TPRG1: variants seen among roughly 807,000 people sequenced by gnomAD.
TPRG1 encodes the protein tumor protein p63 regulated 1, also known as tumor protein p63-regulated gene 1 protein.
TPRG1 carries 29 observed loss-of-function variants against 29.3 expected under a neutral mutation model. That is an observed-to-expected ratio of 0.99 (90% CI 0.74 to 1.35). The LOEUF (loss-of-function observed/expected upper bound fraction) is 1.35, where lower values mean the gene tolerates loss of function less well. Among genes scored for constraint, TPRG1 ranks in the 40% most tolerant of loss-of-function variants. TPRG1 has a pLI of 0.00. For missense variants in TPRG1, 327 were observed against 335.0 expected (o/e 0.98, Z 0.19); for synonymous variants, 130 against 116.8 (o/e 1.11, Z -0.73).
chr3:189,261,159 G>C (rs962062341), intron 4 of TPRG1, among the ~76,000 whole-genome samples: 1 of 152,156 alleles, frequency 6.6e-6, no homozygotes, highest in African/African-American at 2.4e-5. Context: ...GCCCCCAAGG[G>C]TTGCATAACT....
chr3:189,097,788 T>C (rs956712929), upstream of TPRG1, among the ~76,000 whole-genome samples: 2 of 152,196 alleles, frequency 1.3e-5, no homozygotes, highest in African/African-American at 4.8e-5. Flanking sequence ...TGGCAAATAA[T>C]AGCTTCATAT....
At chr3:189,096,211 C>T (rs1718668981), upstream of TPRG1, among the ~76,000 whole-genome samples, 1 of 152,224 alleles carries the variant, frequency 6.6e-6, no homozygotes, top group African/African-American at 2.4e-5. Flanking sequence ...CCTTCCTTCT[C>T]CTGTCCTGGG....
At chr3:189,309,672 C>A (rs1722172666) in intron 4 of TPRG1, among the ~76,000 whole-genome samples, 1 of 152,150 alleles carries the variant, frequency 6.6e-6, no homozygotes, top group Admixed American at 6.6e-5. Flanking sequence ...TTATCTCAAG[C>A]TTACTTTCTC....
rs972336988 is a variant in TPRG1 at position 189,093,326 on chromosome 3, C to G, written c.-462-33731C>G. Among the ~76,000 whole-genome samples the G allele has an allele frequency of 4.6e-5, 7 of 152,136 alleles. No homozygotes were observed. In the South Asian group the frequency reaches 6.2e-4, roughly 14 times the overall value. ...TTAAATTCTTTCACATCTCTGCAAA[C>G]AGGAAGATTAATTGAGTAGCCTTCA... On this transcript the variant is annotated intron_variant, in intron 4 of 10. Coordinates refer to the TPRG1 transcript ENST00000433971.
At chr3:189,073,823 G>C (rs1375307354) in intron 4 of TPRG1, among the ~76,000 whole-genome samples, 1 of 152,002 alleles carries the variant, frequency 6.6e-6, no homozygotes, top group African/African-American at 2.4e-5. Flanking sequence ...GAAGTAATAT[G>C]TATGCTTCTA....
chr3:189,022,831 C>T (rs1713419468), intron 3 of TPRG1, among the ~76,000 whole-genome samples: 2 of 152,378 alleles, frequency 1.3e-5, no homozygotes, highest in Admixed American at 1.3e-4. Flanking sequence ...CCCAGCCTCG[C>T]TGCCGCCTTG....
chr3:189,325,005 G>A lies in TPRG1; in HGVS notation c.*4185G>A, dbSNP rs749976488. ...GTCTGCACCTCCCACAACGTGCTCC[G>A]AAAGCAGTTAGGGGACTAGGCCTCT... On this transcript the variant is annotated 3_prime_UTR_variant, in exon 6 of 6. Transcript: ENST00000345063. The A allele has an allele frequency of 9.9e-5, 15 of 152,080 alleles. No individual in the cohort carries two copies. The highest frequency in any genetic ancestry group is 2.1e-4 in the Non-Finnish European group (14 of 68,024). 9.4% of individuals were successfully genotyped at this position (152,080 alleles called of 1,614,324 possible). A position where few individuals can be genotyped will look rare whatever the true frequency, so the allele number is the denominator to read the frequency against.
chr3:189,043,116 T>A (rs1714734778), intron 4 of TPRG1, among the ~76,000 whole-genome samples: 1 of 152,166 alleles, frequency 6.6e-6, no homozygotes, highest in African/African-American at 2.4e-5. Flanking sequence ...AGGTCACAAT[T>A]AAATGGGCCC....
chr3:189,056,524 T>G (rs1356783747), intron 4 of TPRG1, among the ~76,000 whole-genome samples: 3 of 152,130 alleles, frequency 2.0e-5, no homozygotes, highest in Non-Finnish European at 4.4e-5. Flanking sequence ...GAACTTCAAG[T>G]CTCCCTGCCA....
intron 4 of TPRG1, among the ~76,000 whole-genome samples, chr3:189,281,174 T>C (rs138446112): frequency 1.2e-3 from 188 of 152,270 alleles, no homozygotes; most frequent in African/African-American, 3.9e-3. Flanking sequence ...AGCTAACGAA[T>C]AGAGAGGTTA....
chr3:189,002,406 A>G (rs1428395698), intron 2 of TPRG1, among the ~76,000 whole-genome samples: 1 of 152,118 alleles, frequency 6.6e-6, no homozygotes, highest in African/African-American at 2.4e-5. Context: ...CTAAAGTCTA[A>G]ATTGTGAGGC....
At chr3:189,133,518 T>G (rs1220100348) in intron 3 of TPRG1, among the ~76,000 whole-genome samples, 1 of 152,162 alleles carries the variant, frequency 6.6e-6, no homozygotes, top group African/African-American at 2.4e-5. Context: ...CTTGTGATAG[T>G]TCTCACAAGA....
chr3:189,063,210 G>A (rs1399073442), intron 4 of TPRG1, among the ~76,000 whole-genome samples: 1 of 152,066 alleles, frequency 6.6e-6, no homozygotes, highest in Non-Finnish European at 1.5e-5. Flanking sequence ...GGAAGAGGTA[G>A]TAATTCTAAA....
At chr3:188,999,996 C>T (rs1319769607) in intron 1 of TPRG1, among the ~76,000 whole-genome samples, 1 of 152,054 alleles carries the variant, frequency 6.6e-6, no homozygotes. Context: ...CTCCCACTAG[C>T]TGAGTATTTC....
At chr3:189,197,760 A>T (rs532468984) in intron 1 of TPRG1, among the ~76,000 whole-genome samples, 1 of 152,246 alleles carries the variant, frequency 6.6e-6, no homozygotes, top group South Asian at 2.1e-4. Flanking sequence ...GATTAAGTGG[A>T]TATGTTTCTA....
chr3:189,180,066 T>C (rs913257210), intron 1 of TPRG1, among the ~76,000 whole-genome samples: 1 of 152,152 alleles, frequency 6.6e-6, no homozygotes, highest in Non-Finnish European at 1.5e-5. Flanking sequence ...GATAGAGTTT[T>C]TGCAGGGGAA....
intron 4 of TPRG1, among the ~76,000 whole-genome samples, chr3:189,074,750 A>C (rs952791028): frequency 1.3e-5 from 2 of 151,688 alleles, no homozygotes; most frequent in East Asian, 3.9e-4. Context: ...TGAATCTTTT[A>C]TGTTATTTCA....
chr3:189,152,462 T>C (rs2108603809), intron 5 of TPRG1, among the ~76,000 whole-genome samples: 1 of 152,238 alleles, frequency 6.6e-6, no homozygotes, highest in Non-Finnish European at 1.5e-5. Context: ...TAAAGGGATG[T>C]GTGATGGTGG....
intron 4 of TPRG1, among the ~76,000 whole-genome samples, chr3:189,026,910 G>C (rs566683268): frequency 4.6e-5 from 7 of 152,262 alleles, no homozygotes; most frequent in Admixed American, 3.3e-4. Flanking sequence ...CCACACCCAG[G>C]CTGTCAGGTC....
Sources: allele counts gnomAD v4.1 joint callset (sites outside exome capture counted in the v4.1 genomes callset), GRCh38; gene constraint gnomAD v4.1.1; transcripts MANE v1.5; gene names NCBI Gene and HGNC (gene_info 2026-07-23, HGNC 2026-07-21).